Variants in TAF1 observed in about 807,000 individuals in gnomAD.
TAF1 encodes the protein TATA-box binding protein associated factor 1.
A neutral mutation model predicts 138.5 loss-of-function variants in TAF1; 2 were observed. The observed-to-expected ratio is 0.01, with a 90% confidence interval of 0.01 to 0.05. The LOEUF (loss-of-function observed/expected upper bound fraction) is 0.05, where lower values mean the gene tolerates loss of function less well. Among genes scored for constraint, TAF1 ranks in the 10% least tolerant of loss-of-function variants. The pLI, the probability that TAF1 is intolerant of heterozygous loss-of-function variation, is 1.00. For synonymous variants in TAF1, 437 were observed against 503.2 expected (o/e 0.87, Z 1.76); for missense variants, 709 against 1,478.0 (o/e 0.48, Z 8.53).
chrX:71,393,222 A>C (rs1312741814), intron 20 of TAF1, 79 bp from the exon 21 acceptor site: 1 of 999,299 alleles, frequency 1.0e-6, no homozygotes, highest in Non-Finnish European at 1.3e-6. Flanking sequence ...TCCCTGAATG[A>C]TTTGTGTGTG....
rs1230409865 is a variant in TAF1, at chrX:71,382,648, G to A, written c.1650G>A (p.Lys550=). 2 of 1,208,723 alleles carry A rather than the reference G, an allele frequency of 1.7e-6. No individual in the cohort carries two copies. The highest frequency in any genetic ancestry group is 3.5e-5 in the African/African-American group (2 of 57,108). Residue 550 remains lysine, a synonymous_variant, in exon 10 of 38, where the codon AAG becomes AAA. Coordinates refer to ENST00000423759, the MANE Select transcript of TAF1 (RefSeq NM_004606.5). ...RILLGKTGVI[K]EEPQQNMSQP... Reference sequence around the variant, plus strand: ...TCTTAGGGAAAACAGGAGTCATCAAGGAGGAACCACAGCAGGTGTGTGAAG... The same window carrying A: ...TCTTAGGGAAAACAGGAGTCATCAAAGAGGAACCACAGCAGGTGTGTGAAG...
At chrX:71,384,555 G>T (rs1389755871) in intron 13 of TAF1, among the ~76,000 whole-genome samples, 1 of 110,488 alleles carries the variant, frequency 9.1e-6, no homozygotes, top group East Asian at 2.8e-4. Context: ...GACTACAGGC[G>T]TGTGCCACCA....
rs1004441737 is a variant in TAF1 at position 71,367,377 on chromosome X, C to T, written c.121-122C>T. 2.3e-5 allele frequency: 19 copies of T among 822,240 alleles called. 1 individual carries two copies. In the African/African-American group the frequency reaches 3.9e-4, roughly 17 times the overall value. 67.8% of individuals were successfully genotyped at this position (822,240 alleles called of 1,213,427 possible). A position where few individuals can be genotyped will look rare whatever the true frequency, so the allele number is the denominator to read the frequency against. On this transcript the variant is annotated intron_variant, in intron 1 of 37. Transcript: ENST00000423759. ...TTCTCGAACGTGTTGCTTGTTTTGG[C>T]ACACTGCACAGTCATTTTTCATGTG... is the stretch of plus-strand genomic sequence containing the variant.
At chrX:71,471,191 G>A (rs920935879) in intron 13 of TAF1, among the ~76,000 whole-genome samples, 40 of 107,635 alleles carry the variant, frequency 3.7e-4, no homozygotes, top group African/African-American at 1.3e-3. Flanking sequence ...GGTGACACAT[G>A]CCTGTAGTCC....
In TAF1 at chrX:71,503,942, A is replaced by G. The variant is rs763576455; in HGVS notation, c.1367-24600A>G. Among the ~76,000 whole-genome samples the G allele has an allele frequency of 5.3e-4, 59 of 110,903 alleles. No individual in the cohort carries two copies. In the Middle Eastern group the frequency reaches 0.014, roughly 26 times the overall value. On this transcript the variant is annotated intron_variant and NMD_transcript_variant, in intron 13 of 14. Transcript: ENST00000373775. ...CCCAGTTATTCAATCAAATGAATCT[A>G]GGTGTTGCTGTACAGGTATTTTGTA...
At chrX:71,380,329 C>T (rs1359314214) in intron 8 of TAF1, among the ~76,000 whole-genome samples, 3 of 111,978 alleles carry the variant, frequency 2.7e-5, no homozygotes, top group African/African-American at 9.7e-5. Context: ...GCTGAGATTA[C>T]AAGCAAGAGC....
intron 1 of TAF1, among the ~76,000 whole-genome samples, chrX:71,366,766 G>C (rs1259528611): frequency 9.0e-6 from 1 of 111,328 alleles, no homozygotes; most frequent in Non-Finnish European, 1.9e-5. Context: ...CAGACAGTAG[G>C]ACACATGCTG....
intron 32 of TAF1, among the ~76,000 whole-genome samples, chrX:71,453,487 G>C (rs1383619642): frequency 9.5e-6 from 1 of 105,780 alleles, no homozygotes; most frequent in Non-Finnish European, 1.9e-5. Context: ...TCATGTCACT[G>C]CATTCCAGCC....
intron 13 of TAF1, among the ~76,000 whole-genome samples, chrX:71,498,788 G>A (rs2039442700): frequency 9.0e-6 from 1 of 111,699 alleles, no homozygotes; most frequent in South Asian, 3.7e-4. Context: ...CAGGCATAAT[G>A]AGAAAGGAGT....
Position 71,377,780 on chromosome X carries a change from G to A in TAF1, c.892G>A (p.Ala298Thr), listed in dbSNP as rs1602463196. The A allele has an allele frequency of 5.0e-6, 6 of 1,210,962 alleles. No homozygotes were observed. The highest frequency in any genetic ancestry group is 1.8e-5 in the South Asian group (1 of 56,816). ...GAAGTCTTTGTGGAACTACGACTAC[G>A]CTCCACCACCACCTCCAGAGCAGTG... ...SQKSLWNYDY[A>T]PPPPPEQCLS... The change falls in exon 6 of 38, where the codon GCT becomes ACT. Residue 298 changes from alanine (A) to threonine (T), a missense_variant. Physicochemically the swap from Ala to Thr is moderately conservative, Grantham distance 58 (BLOSUM62 0). Around this residue, in one of 14 missense-constraint regions of TAF1, gnomAD observed 201 missense variants for 421.3 expected, o/e 0.48. Coordinates refer to ENST00000423759, the MANE Select transcript of TAF1 (RefSeq NM_004606.5).
chrX:71,523,707 CATAAGGAAAACTCAGGGGACAAGT>C, intron 13 of TAF1, among the ~76,000 whole-genome samples: 1 of 111,633 alleles, frequency 9.0e-6, no homozygotes, highest in East Asian at 2.8e-4. Context: ...CACATAGTAT[CATAAGGAAAACTCAGGGGACAAGT>C]TATGTTCACA....
In TAF1 at chrX:71,464,271, C is replaced by T; in HGVS notation, c.*225C>T. 2.4e-6 allele frequency: 1 copy of T among 410,604 alleles called. No homozygotes were observed. The highest frequency in any genetic ancestry group is 4.2e-6 in the Non-Finnish European group (1 of 238,980). 33.8% of individuals were successfully genotyped at this position (410,604 alleles called of 1,213,427 possible). On this transcript the variant is annotated 3_prime_UTR_variant, in exon 38 of 38. Transcript: ENST00000423759. ...TTAAAACAAAGCAACCCCCTTTCCCCTACCACTACGGAAAAGAGCAAGCTC... is the reference window on the plus strand; with the variant it reads ...TTAAAACAAAGCAACCCCCTTTCCCTTACCACTACGGAAAAGAGCAAGCTC...
intron 13 of TAF1, among the ~76,000 whole-genome samples, chrX:71,477,215 A>G (rs1333156776): frequency 9.0e-6 from 1 of 111,605 alleles, no homozygotes; most frequent in Non-Finnish European, 1.9e-5. Flanking sequence ...CTGGGATTAC[A>G]GGCATGATCC....
intron 13 of TAF1, among the ~76,000 whole-genome samples, chrX:71,503,214 C>T (rs893482009): frequency 4.0e-5 from 4 of 100,954 alleles, no homozygotes; most frequent in Admixed American, 1.1e-4. Context: ...GTAGTTGCAG[C>T]GAGCCAAGAT....
At chrX:71,377,521 C>G in intron 5 of TAF1, 82 bp from the exon 6 acceptor site, 4 of 1,080,075 alleles carry the variant, frequency 3.7e-6, no homozygotes, top group Non-Finnish European at 5.0e-6. Flanking sequence ...AGAGATCTCT[C>G]AAGGGAGTTT....
chrX:71,508,153 A>G (rs1444117334), intron 13 of TAF1, among the ~76,000 whole-genome samples: 1 of 105,092 alleles, frequency 9.5e-6, no homozygotes, highest in Non-Finnish European at 1.9e-5. Context: ...AGCTCACTAT[A>G]TAGTTGGGAG....
At chrX:71,430,256 C>T (rs1264734714) in intron 32 of TAF1, among the ~76,000 whole-genome samples, 1 of 109,789 alleles carries the variant, frequency 9.1e-6, no homozygotes, top group Non-Finnish European at 1.9e-5. Flanking sequence ...TGGCGAGCAC[C>T]TGTAGTCCCA....
At chrX:71,483,780 C>CTCTCTCTCTCTA (rs1164519184) in intron 13 of TAF1, among the ~76,000 whole-genome samples, 1 of 37,572 alleles carries the variant, frequency 2.7e-5, no homozygotes, top group African/African-American at 1.3e-4. Context: ...CTCTCTCTCT[C>CTCTCTCTCTCTA]TATATATATA....
chrX:71,487,874 CTA>C (rs1038026902), intron 13 of TAF1, among the ~76,000 whole-genome samples: 9 of 111,667 alleles, frequency 8.1e-5, no homozygotes, highest in African/African-American at 2.6e-4. Context: ...TGTTAATTTT[CTA>C]TTGGAGGCCA....
Sources: allele counts gnomAD v4.1 joint callset (sites outside exome capture counted in the v4.1 genomes callset), GRCh38; gene constraint gnomAD v4.1.1; regional missense constraint gnomAD v4.1.1; transcripts MANE v1.5; gene names NCBI Gene and HGNC (gene_info 2026-07-23, HGNC 2026-07-21).